Variants in PDE1A observed in about 807,000 individuals in gnomAD.
PDE1A encodes phosphodiesterase 1A.
In PDE1A, 35 loss-of-function variants were observed where a neutral mutation model predicts 61.7. The observed-to-expected ratio is 0.57, with a 90% CI of 0.43 to 0.75. The LOEUF (loss-of-function observed/expected upper bound fraction) is 0.75, where lower values mean the gene tolerates loss of function less well. Ranked by LOEUF, PDE1A falls within the 30% of genes least tolerant of loss-of-function variation. The probability of loss-of-function intolerance (pLI) is 0.00; values close to 1 mark genes in which losing one functional copy is unlikely to be tolerated. For synonymous variants in PDE1A, 232 were observed against 213.2 expected (o/e 1.09, Z -0.77); for missense variants, 597 against 630.6 (o/e 0.95, Z 0.57).
At chr2:182,401,478 A>G (rs556017298) in intron 1 of PDE1A, among the ~76,000 whole-genome samples, 111 of 152,356 alleles carry the variant, frequency 7.3e-4, no homozygotes, top group African/African-American at 2.6e-3. Flanking sequence ...GTAGCCCTTC[A>G]TTCTAAAAAC....
At chr2:182,420,620 C>T (rs1439870859) in intron 1 of PDE1A, among the ~76,000 whole-genome samples, 8 of 152,156 alleles carry the variant, frequency 5.3e-5, no homozygotes. Flanking sequence ...ATTTAAATAT[C>T]TGTTTTGGTT....
At position 182,462,097 on chromosome 2, in the gene PDE1A, T is replaced by C. The variant is rs534171281; in HGVS notation, c.101+60179A>G. 7.2e-5 allele frequency among the ~76,000 whole-genome samples: 11 copies of C among 152,046 alleles called. No individual in the cohort carries two copies. In the South Asian group the frequency reaches 8.3e-4, roughly 11 times the overall value. On this transcript the variant is annotated intron_variant, in intron 2 of 14. Coordinates refer to the PDE1A transcript ENST00000410103. ...AAACCAAACACCTCATAGGTGGGAA[T>C]TGAACAATGAGAGCACTTGGACACA...
At chr2:182,648,143 A>G in the PDE1A span, among the ~76,000 whole-genome samples, 1 of 152,186 alleles carries the variant, frequency 6.6e-6, no homozygotes, top group Non-Finnish European at 1.5e-5. Context: ...TAACCTGGCA[A>G]TCTGTGCATA....
At chr2:182,225,232 A>G (rs909705930) in intron 6 of PDE1A, among the ~76,000 whole-genome samples, 1 of 151,972 alleles carries the variant, frequency 6.6e-6, no homozygotes, top group African/African-American at 2.4e-5. Context: ...AGAATTGTCA[A>G]TAGTACAATC....
chr2:182,269,911 G>A (rs1374966434), intron 1 of PDE1A, among the ~76,000 whole-genome samples: 1 of 151,968 alleles, frequency 6.6e-6, no homozygotes, highest in Non-Finnish European at 1.5e-5. Flanking sequence ...AAAAGGCTAT[G>A]GGCTAAATAG....
the PDE1A span, among the ~76,000 whole-genome samples, chr2:182,666,528 A>G: frequency 6.6e-6 from 1 of 151,912 alleles, no homozygotes; most frequent in African/African-American, 2.4e-5. Flanking sequence ...GAATCGCTTG[A>G]ACCCGGGAGG....
chr2:182,279,650 C>T (rs2125845974), intron 1 of PDE1A, among the ~76,000 whole-genome samples: 1 of 151,878 alleles, frequency 6.6e-6, no homozygotes, highest in South Asian at 2.1e-4. Context: ...TTTAAAACAT[C>T]TTTATTGGAG....
At chr2:182,546,741 A>G in the PDE1A span, among the ~76,000 whole-genome samples, 1 of 152,214 alleles carries the variant, frequency 6.6e-6, no homozygotes, top group African/African-American at 2.4e-5. Flanking sequence ...TACCAGAGGA[A>G]CAAGTCTGGA....
At chr2:182,643,403 G>T in the PDE1A span, among the ~76,000 whole-genome samples, 1 of 152,100 alleles carries the variant, frequency 6.6e-6, no homozygotes, top group Admixed American at 6.6e-5. Context: ...TTCTCTCTGG[G>T]TCTGGCTCAT....
chr2:182,166,362 C>CT, downstream of PDE1A, among the ~76,000 whole-genome samples: 1 of 152,292 alleles, frequency 6.6e-6, no homozygotes. Flanking sequence ...TCAGCTTGCT[C>CT]TGGCTTTCTC....
chr2:182,195,593 A>T (rs996930022), intron 10 of PDE1A, among the ~76,000 whole-genome samples: 23 of 152,056 alleles, frequency 1.5e-4, no homozygotes, highest in Non-Finnish European at 1.5e-5. Flanking sequence ...TGAGCTCTGG[A>T]CAGACCTCTT....
chr2:182,425,522 C>A (rs948496744), intron 1 of PDE1A, among the ~76,000 whole-genome samples: 1 of 152,102 alleles, frequency 6.6e-6, no homozygotes, highest in Non-Finnish European at 1.5e-5. Context: ...AAAACAGATT[C>A]AAGCTAACAT....
At chr2:182,352,154 G>A (rs994631712) in intron 1 of PDE1A, among the ~76,000 whole-genome samples, 1 of 152,190 alleles carries the variant, frequency 6.6e-6, no homozygotes, top group Non-Finnish European at 1.5e-5. Context: ...GCCACCTTGA[G>A]GGATGAGGTA....
At chr2:182,323,487 G>A (rs759804984) in intron 1 of PDE1A, among the ~76,000 whole-genome samples, 2 of 152,144 alleles carry the variant, frequency 1.3e-5, no homozygotes, top group Admixed American at 1.3e-4. Context: ...ATAGGCTGGA[G>A]ACAGACAAGA....
At chr2:182,162,930 T>G (rs954680387), downstream of PDE1A, among the ~76,000 whole-genome samples, 39 of 152,268 alleles carry the variant, frequency 2.6e-4, no homozygotes, top group Non-Finnish European at 5.0e-4. Flanking sequence ...TGAAGATTAT[T>G]ATGATAGGAA....
chr2:182,405,811 C>G (rs1490578772), intron 1 of PDE1A, among the ~76,000 whole-genome samples: 1 of 152,066 alleles, frequency 6.6e-6, no homozygotes, highest in African/African-American at 2.4e-5. Flanking sequence ...TGATGGATAT[C>G]TTAATGAGAT....
chr2:182,308,130 T>G lies in PDE1A; in HGVS notation c.54-43716A>C, dbSNP rs542945537. On this transcript the variant is annotated intron_variant, in intron 1 of 13. Transcript: ENST00000351439. ...AATATGGCAGGCCTTGTTGACAACA[T>G]TATTCTGCACAAGTTTAACAATTAT... Among the ~76,000 whole-genome samples, 3 of 152,254 alleles carry G rather than the reference T, an allele frequency of 2.0e-5. No homozygotes were observed. In the East Asian group the frequency reaches 5.8e-4, roughly 29 times the overall value.
chr2:182,452,101 G>A (rs752691200), intron 2 of PDE1A, among the ~76,000 whole-genome samples: 27 of 151,874 alleles, frequency 1.8e-4, no homozygotes, highest in Non-Finnish European at 3.4e-4. Flanking sequence ...AAGAGGTCTC[G>A]AATAAATTTT....
chr2:182,234,555 T>C, intron 3 of PDE1A, 57 bp from the exon 4 acceptor site: 1 of 1,110,010 alleles, frequency 9.0e-7, no homozygotes, highest in South Asian at 1.3e-5. Context: ...AGTTTTCAAC[T>C]ATTTCTTAAA....
Sources: gnomAD v4.1 joint callset for allele counts (sites outside exome capture counted in the v4.1 genomes callset) on GRCh38, gnomAD v4.1.1 for gene constraint, MANE v1.5 for transcripts, NCBI Gene and HGNC (gene_info 2026-07-23, HGNC 2026-07-21) for gene names.